UNC79: variants seen among roughly 807,000 people sequenced by gnomAD.
UNC79 encodes the protein protein unc-79 homolog.
UNC79 carries 37 observed loss-of-function variants against 283.1 expected under a neutral mutation model. That is an observed-to-expected ratio of 0.13 (90% CI 0.10 to 0.17). The LOEUF (loss-of-function observed/expected upper bound fraction) is 0.17. Among genes scored for constraint, UNC79 ranks in the 10% least tolerant of loss-of-function variants. The pLI is 1.00. For synonymous variants in UNC79, 1,107 were observed against 1,200.2 expected (o/e 0.92, Z 1.61); for missense variants, 2,272 against 3,211.1 (o/e 0.71, Z 7.07).
At chr14:93,340,681 C>T (rs2053689364) in intron 1 of UNC79, among the ~76,000 whole-genome samples, 1 of 151,734 alleles carries the variant, frequency 6.6e-6, no homozygotes, top group African/African-American at 2.4e-5. Flanking sequence ...AGATGATTCT[C>T]CCAACTCAGC....
At chr14:93,654,357 A>C (rs954818953) in intron 37 of UNC79, among the ~76,000 whole-genome samples, 1 of 151,808 alleles carries the variant, frequency 6.6e-6, no homozygotes, top group African/African-American at 2.4e-5. Context: ...ATTAGCTGGC[A>C]TGGTGACACA....
At chr14:93,420,372 C>T (rs1249174125) in intron 1 of UNC79, among the ~76,000 whole-genome samples, 1 of 151,392 alleles carries the variant, frequency 6.6e-6, no homozygotes, top group Non-Finnish European at 1.5e-5. Flanking sequence ...CAAAGAAGGC[C>T]AGTATATAAT....
intron 18 of UNC79, among the ~76,000 whole-genome samples, chr14:93,579,396 A>G (rs371339262): frequency 1.1e-4 from 17 of 152,332 alleles, no homozygotes; most frequent in Admixed American, 4.6e-4. Flanking sequence ...TATTACTATC[A>G]TGACAGTCGA....
chr14:93,439,893 C>A (rs1040244614), intron 1 of UNC79, among the ~76,000 whole-genome samples: 1 of 152,016 alleles, frequency 6.6e-6, no homozygotes. Flanking sequence ...TAGAATTATG[C>A]AAATGACTAT....
intron 1 of UNC79, among the ~76,000 whole-genome samples, chr14:93,389,942 C>T (rs187441122): frequency 1.0e-3 from 154 of 152,278 alleles, no homozygotes; most frequent in African/African-American, 3.4e-3. Context: ...CGTGAGCCCC[C>T]GTGCCCGGTG....
At chr14:93,510,097 G>C (rs546919383) in intron 7 of UNC79, among the ~76,000 whole-genome samples, 16 of 152,344 alleles carry the variant, frequency 1.1e-4, no homozygotes, top group Non-Finnish European at 2.4e-4. Context: ...TGGAGCAGTG[G>C]TCTGAGATGT....
At chr14:93,354,985 T>G (rs1328677622) in intron 1 of UNC79, among the ~76,000 whole-genome samples, 5 of 152,014 alleles carry the variant, frequency 3.3e-5, no homozygotes, top group Non-Finnish European at 7.4e-5. Flanking sequence ...CCACCAGAGA[T>G]AGACATGGAA....
intron 47 of UNC79, among the ~76,000 whole-genome samples, chr14:93,698,935 T>A (rs1022993743): frequency 1.3e-5 from 2 of 152,244 alleles, no homozygotes; most frequent in African/African-American, 4.8e-5. Flanking sequence ...CAGTGTTGAC[T>A]TTTGCTATAT....
intron 1 of UNC79, among the ~76,000 whole-genome samples, chr14:93,407,151 C>T (rs2140041216): frequency 6.6e-6 from 1 of 152,224 alleles, no homozygotes; most frequent in Non-Finnish European, 1.5e-5. Context: ...CACTCTAACC[C>T]AGTATGAGCT....
chr14:93,537,928 A>G (rs1359594117), intron 11 of UNC79, 61 bp from the exon 12 acceptor site: 1 of 1,520,562 alleles, frequency 6.6e-7, no homozygotes. Flanking sequence ...ATTTATTCTG[A>G]TTCTTAGCCA....
intron 4 of UNC79, among the ~76,000 whole-genome samples, chr14:93,482,474 T>C (rs1245150708): frequency 6.6e-6 from 1 of 152,192 alleles, no homozygotes; most frequent in Non-Finnish European, 1.5e-5. Context: ...GGACATCTTA[T>C]GCTTAAACCC....
At chr14:93,649,065 T>C (rs2069949802) in intron 35 of UNC79, among the ~76,000 whole-genome samples, 1 of 152,296 alleles carries the variant, frequency 6.6e-6, no homozygotes, top group South Asian at 2.1e-4. Context: ...TTTGGCCACA[T>C]TGATCTCTCT....
intron 7 of UNC79, among the ~76,000 whole-genome samples, chr14:93,518,863 T>C (rs1293535068): frequency 6.6e-6 from 1 of 151,928 alleles, no homozygotes; most frequent in Non-Finnish European, 1.5e-5. Context: ...GTGTTATTGG[T>C]TTCTAGTTTA....
chr14:93,341,722 G>A (rs367931548), intron 1 of UNC79, among the ~76,000 whole-genome samples: 1 of 151,992 alleles, frequency 6.6e-6, no homozygotes, highest in Non-Finnish European at 1.5e-5. Flanking sequence ...TGCAGTGAAT[G>A]TAAACCAAAA....
chr14:93,523,166 T>C (rs2060403052), intron 7 of UNC79, among the ~76,000 whole-genome samples: 1 of 152,152 alleles, frequency 6.6e-6, no homozygotes, highest in African/African-American at 2.4e-5. Context: ...TGCTTTGGGC[T>C]ACAGAATCAT....
intron 19 of UNC79, among the ~76,000 whole-genome samples, chr14:93,581,005 G>C (rs1055882609): frequency 6.6e-6 from 1 of 151,950 alleles, no homozygotes; most frequent in Admixed American, 6.6e-5. Context: ...CACCATGCCT[G>C]GCCAAATGTA....
At chr14:93,490,741 G>T (rs1288366409) in intron 5 of UNC79, among the ~76,000 whole-genome samples, 2 of 152,242 alleles carry the variant, frequency 1.3e-5, no homozygotes, top group East Asian at 3.9e-4. Context: ...TTTTTCTACT[G>T]CTTTCCTCTT....
chr14:93,696,304 T>G (rs1254343374), intron 47 of UNC79, among the ~76,000 whole-genome samples: 1 of 152,216 alleles, frequency 6.6e-6, no homozygotes, highest in Non-Finnish European at 1.5e-5. Flanking sequence ...CATATATGTT[T>G]TCATGTATGT....
intron 2 of UNC79, among the ~76,000 whole-genome samples, chr14:93,470,497 T>C (rs1389645995): frequency 6.6e-6 from 1 of 152,128 alleles, no homozygotes; most frequent in Non-Finnish European, 1.5e-5. Context: ...GGAAGGTGAG[T>C]CCTACATGTT....
Sources: gnomAD v4.1 joint callset for allele counts (sites outside exome capture counted in the v4.1 genomes callset) on GRCh38, gnomAD v4.1.1 for gene constraint, MANE v1.5 for transcripts, NCBI Gene and HGNC (gene_info 2026-07-23, HGNC 2026-07-21) for gene names.